ERBB4: variants seen among roughly 807,000 people sequenced by gnomAD.
The protein encoded by ERBB4 is receptor tyrosine-protein kinase erbB-4.
Under a neutral mutation model 158.0 loss-of-function variants are expected in ERBB4, and 42 were observed. The ratio of observed to expected loss-of-function variants is 0.27; its 90% CI spans 0.21 to 0.34. The LOEUF (loss-of-function observed/expected upper bound fraction) is 0.34, where lower values mean the gene tolerates loss of function less well. Among genes scored for constraint, ERBB4 ranks in the 10% least tolerant of loss-of-function variants. ERBB4 has a pLI of 1.00. For synonymous variants in ERBB4, 583 were observed against 558.7 expected, an observed-to-expected ratio of 1.04 and a Z score of -0.61; for missense variants, 1,333 against 1,624.1, an observed-to-expected ratio of 0.82 and a Z score of 3.08.
chr2:211,511,097 GTTAATTATCAAA>G lies in ERBB4; in HGVS notation c.2487+50794_2487+50805del, dbSNP rs760430743. Among the ~76,000 whole-genome samples, 155 of 152,048 alleles carry G rather than the reference GTTAATTATCAAA, an allele frequency of 1.0e-3. 3 individuals carry two copies. Among genetic ancestry groups the G allele is most frequent in the Non-Finnish European group, 1.4e-3 (97 of 67,912 alleles). ...TAGTTACAAGCTTAATAAGCTCCAA[GTTAATTATCAAA>G]TCAATGTATTAGTATATTAAACTGC... On this transcript the variant is annotated intron_variant, in intron 20 of 27. Transcript: ENST00000342788.
chr2:212,538,334 C>G (rs1373632630), intron 1 of ERBB4, 115 bp downstream of exon 1: 17 of 893,304 alleles, frequency 1.9e-5, no homozygotes, highest in South Asian at 7.8e-5. Flanking sequence ...GAAGAGGCCC[C>G]GGTCAAGCGG....
chr2:212,055,388 G>C (rs78983538), intron 2 of ERBB4, among the ~76,000 whole-genome samples: 1 of 150,910 alleles, frequency 6.6e-6, no homozygotes, highest in African/African-American at 2.4e-5. Flanking sequence ...ATAGCCAAAA[G>C]GCAGACTTAA....
chr2:212,111,764 G>T (rs1327708817), intron 2 of ERBB4, among the ~76,000 whole-genome samples: 1 of 151,980 alleles, frequency 6.6e-6, no homozygotes, highest in South Asian at 2.1e-4. Flanking sequence ...ATACCAGGCA[G>T]GGTGCTAGGT....
At chr2:211,957,704 C>A (rs746318349) in intron 2 of ERBB4, among the ~76,000 whole-genome samples, 2 of 152,054 alleles carry the variant, frequency 1.3e-5, no homozygotes, top group Non-Finnish European at 1.5e-5. Flanking sequence ...TATTGTTTTT[C>A]TGAATCCAGA....
chr2:212,155,274 A>G (rs1016369296), intron 1 of ERBB4, among the ~76,000 whole-genome samples: 1 of 152,046 alleles, frequency 6.6e-6, no homozygotes, highest in African/African-American at 2.4e-5. Context: ...TACTGTATGT[A>G]TAACATATAT....
chr2:211,584,510 G>A (rs2068204564), intron 19 of ERBB4, among the ~76,000 whole-genome samples: 1 of 152,020 alleles, frequency 6.6e-6, no homozygotes, highest in Non-Finnish European at 1.5e-5. Context: ...TTGATCTAAT[G>A]TTGGTTTCTT....
chr2:211,768,161 T>C (rs958411285), intron 4 of ERBB4, among the ~76,000 whole-genome samples: 2 of 152,186 alleles, frequency 1.3e-5, no homozygotes, highest in African/African-American at 4.8e-5. Flanking sequence ...ATTAAAACTC[T>C]GTAATGATCT....
At chr2:211,470,188 A>G (rs920793139) in intron 20 of ERBB4, among the ~76,000 whole-genome samples, 1 of 152,140 alleles carries the variant, frequency 6.6e-6, no homozygotes, top group Non-Finnish European at 1.5e-5. Context: ...TACGTCCCAC[A>G]CTAATATTAA....
chr2:211,983,254 A>T (rs1437073402), intron 2 of ERBB4, among the ~76,000 whole-genome samples: 1 of 152,186 alleles, frequency 6.6e-6, no homozygotes, highest in African/African-American at 2.4e-5. Flanking sequence ...TTAGAAAGAA[A>T]TGGAGTGATT....
intron 1 of ERBB4, among the ~76,000 whole-genome samples, chr2:212,255,779 T>C (rs1047669109): frequency 3.9e-5 from 6 of 152,050 alleles, no homozygotes; most frequent in African/African-American, 1.2e-4. Flanking sequence ...TTTAAAAATA[T>C]ATTAACTCTT....
chr2:211,628,963 G>A (rs1451354224), intron 17 of ERBB4, among the ~76,000 whole-genome samples: 2 of 152,166 alleles, frequency 1.3e-5, no homozygotes, highest in African/African-American at 2.4e-5. Flanking sequence ...CTGCATGAAT[G>A]TCTTCTTTTG....
intron 1 of ERBB4, among the ~76,000 whole-genome samples, chr2:212,390,301 TAA>T (rs2090817109): frequency 6.6e-6 from 1 of 151,818 alleles, no homozygotes; most frequent in African/African-American, 2.4e-5. Context: ...TAAGTATTAT[TAA>T]AGAGTATGTA....
intron 1 of ERBB4, among the ~76,000 whole-genome samples, chr2:212,361,145 T>G (rs902994183): frequency 2.0e-5 from 3 of 151,660 alleles, no homozygotes; most frequent in African/African-American, 7.2e-5. Flanking sequence ...ACCCATACTT[T>G]AATTAAAGTT....
chr2:212,185,363 C>T (rs1212591144), intron 1 of ERBB4, among the ~76,000 whole-genome samples: 1 of 148,096 alleles, frequency 6.8e-6, no homozygotes, highest in Non-Finnish European at 1.5e-5. Context: ...TGGTAGACCT[C>T]AGAAAAAGAA....
intron 3 of ERBB4, among the ~76,000 whole-genome samples, chr2:211,900,712 G>C (rs1197741039): frequency 1.3e-5 from 2 of 151,998 alleles, no homozygotes. Flanking sequence ...ATGGACTCAA[G>C]GCACTTAGAA....
chr2:212,431,306 T>TA (rs35419362), intron 1 of ERBB4, among the ~76,000 whole-genome samples: 2,716 of 86,820 alleles, frequency 0.031, 66 homozygotes, highest in African/African-American at 0.034. Context: ...CTGCTCATAT[T>TA]AAAAAAAAAA....
chr2:212,496,587 A>T (rs1336973051), intron 1 of ERBB4, among the ~76,000 whole-genome samples: 1 of 152,176 alleles, frequency 6.6e-6, no homozygotes, highest in East Asian at 1.9e-4. Context: ...ATAATGGGAG[A>T]CTACTATAAG....
chr2:212,062,832 T>G (rs2077821736), intron 2 of ERBB4, among the ~76,000 whole-genome samples: 1 of 152,202 alleles, frequency 6.6e-6, no homozygotes, highest in African/African-American at 2.4e-5. Context: ...AGACACTGGC[T>G]ATGAAACCAG....
chr2:211,871,328 T>C (rs188957196), intron 3 of ERBB4, among the ~76,000 whole-genome samples: 1 of 152,122 alleles, frequency 6.6e-6, no homozygotes, highest in African/African-American at 2.4e-5. Flanking sequence ...GCAAAATCTA[T>C]TTCTAAAATA....
Sources: allele counts gnomAD v4.1 joint callset (sites outside exome capture counted in the v4.1 genomes callset), GRCh38; gene constraint gnomAD v4.1.1; transcripts MANE v1.5; gene names NCBI Gene and HGNC (gene_info 2026-07-23, HGNC 2026-07-21).